Variants in LEKR1 observed in about 807,000 individuals in gnomAD.
The protein encoded by LEKR1 is leucine, glutamate and lysine rich 1.
In LEKR1, 59 loss-of-function variants were observed where a neutral mutation model predicts 72.4. The ratio of observed to expected loss-of-function variants is 0.82; its 90% CI spans 0.66 to 1.01. The LOEUF (loss-of-function observed/expected upper bound fraction) is 1.01, where lower values mean the gene tolerates loss of function less well. LEKR1 is among the 50% of genes least tolerant of loss of function. The pLI is 0.00. For missense variants in LEKR1, 728 were observed against 759.2 expected, an observed-to-expected ratio of 0.96 and a Z score of 0.48; for synonymous variants, 257 against 263.2, an observed-to-expected ratio of 0.98 and a Z score of 0.23.
intron 12 of LEKR1, among the ~76,000 whole-genome samples, chr3:157,038,459 G>A (rs958627366): frequency 6.6e-6 from 1 of 152,196 alleles, no homozygotes; most frequent in Admixed American, 6.5e-5. Context: ...TGGAGATGTC[G>A]ATTTTGGACA....
At chr3:156,974,134 A>G (rs750385071) in intron 6 of LEKR1, among the ~76,000 whole-genome samples, 1 of 152,144 alleles carries the variant, frequency 6.6e-6, no homozygotes, top group Admixed American at 6.6e-5. Flanking sequence ...TTCTATCACT[A>G]TGGTACTGGA....
chr3:156,884,345 C>A (rs1042225267), intron 3 of LEKR1, among the ~76,000 whole-genome samples: 2 of 150,266 alleles, frequency 1.3e-5, no homozygotes, highest in African/African-American at 4.9e-5. Flanking sequence ...GTTTTTTTTT[C>A]CTTCTGTTGT....
intron 5 of LEKR1, among the ~76,000 whole-genome samples, chr3:156,938,760 A>C (rs564051967): frequency 1.5e-4 from 23 of 152,304 alleles, no homozygotes; most frequent in African/African-American, 5.3e-4. Flanking sequence ...ATTGTAATAA[A>C]ACTGTGAAGT....
At chr3:157,030,537 A>T (rs896293112) in intron 12 of LEKR1, among the ~76,000 whole-genome samples, 2 of 152,226 alleles carry the variant, frequency 1.3e-5, no homozygotes, top group African/African-American at 2.4e-5. Flanking sequence ...AAAAAAGCAT[A>T]GACTGAAAGC....
Position 157,045,801 on chromosome 3 carries a change from A to C in LEKR1, c.*51A>C. On this transcript the variant is annotated 3_prime_UTR_variant, in exon 13 of 13. Transcript: ENST00000356539. ...CTACAGCGTGCACGCTCTTTCAGAGAGTGCCAGGAATTCACTGTAACTGAG... is the reference window on the plus strand; with the variant it reads ...CTACAGCGTGCACGCTCTTTCAGAGCGTGCCAGGAATTCACTGTAACTGAG... 4 of 1,448,874 alleles carry C rather than the reference A, an allele frequency of 2.8e-6. No individual in the cohort carries two copies. The highest frequency in any genetic ancestry group is 1.2e-5 in the South Asian group (1 of 83,258). The allele number at this position is 1,448,874 out of a possible 1,614,324, so 89.8% of individuals were successfully genotyped here.
intron 3 of LEKR1, among the ~76,000 whole-genome samples, chr3:156,886,856 A>G (rs1232517527): frequency 6.6e-6 from 1 of 152,208 alleles, no homozygotes; most frequent in Non-Finnish European, 1.5e-5. Context: ...GAATTCATAT[A>G]GTAACGTGAA....
intron 11 of LEKR1, among the ~76,000 whole-genome samples, chr3:157,025,269 A>T (rs1168640426): frequency 6.6e-6 from 1 of 152,178 alleles, no homozygotes; most frequent in Non-Finnish European, 1.5e-5. Context: ...TATAATTAAA[A>T]TTTTCCCAAC....
intron 4 of LEKR1, chr3:156,924,654 C>A (rs914730688): frequency 4.6e-6 from 2 of 437,970 alleles, no homozygotes; most frequent in Admixed American, 8.1e-5. Context: ...AATCTAAATT[C>A]ATCCTGTTTC....
intron 2 of LEKR1, among the ~76,000 whole-genome samples, chr3:156,836,863 A>G (rs558884945): frequency 1.5e-4 from 23 of 152,206 alleles, no homozygotes; most frequent in Non-Finnish European, 3.2e-4. Context: ...CCAGCAATTG[A>G]GCCCAGACTG....
intron 3 of LEKR1, among the ~76,000 whole-genome samples, chr3:156,906,951 T>C (rs189767152): frequency 6.6e-6 from 1 of 152,298 alleles, no homozygotes; most frequent in African/African-American, 2.4e-5. Context: ...TATTAAGGAA[T>C]GTTTAATACA....
At chr3:156,922,973 A>C (rs1305234146) in intron 4 of LEKR1, among the ~76,000 whole-genome samples, 2 of 152,100 alleles carry the variant, frequency 1.3e-5, no homozygotes, top group African/African-American at 4.8e-5. Flanking sequence ...CATCTCTAAA[A>C]TTTTCAATGT....
At chr3:157,000,434 T>A (rs1731915208) in intron 9 of LEKR1, among the ~76,000 whole-genome samples, 1 of 152,150 alleles carries the variant, frequency 6.6e-6, no homozygotes, top group African/African-American at 2.4e-5. Flanking sequence ...AAGAATGGAC[T>A]TTAGAATTAG....
intron 10 of LEKR1, among the ~76,000 whole-genome samples, chr3:157,019,056 C>T (rs1054109781): frequency 2.0e-5 from 3 of 152,064 alleles, no homozygotes; most frequent in Admixed American, 1.3e-4. Context: ...TAATAATTTG[C>T]AATCAGTATT....
At position 156,881,054 on chromosome 3, in the gene LEKR1, G is replaced by A. The variant is rs537608064; in HGVS notation, c.263+28072G>A. On this transcript the variant is annotated intron_variant, in intron 3 of 12. Transcript: ENST00000356539. ...CCACAGCCAATATCATACTGAATGG[G>A]CAAAAACTGGAAGCATTCTCTTTGA... 4.6e-5 allele frequency among the ~76,000 whole-genome samples: 7 copies of A among 152,276 alleles called. No homozygotes were observed. The East Asian group carries it at 1.3e-3, about 29-fold the overall frequency.
intron 6 of LEKR1, among the ~76,000 whole-genome samples, chr3:156,943,167 T>C (rs1371687884): frequency 2.0e-5 from 3 of 151,946 alleles, no homozygotes; most frequent in Admixed American, 6.6e-5. Context: ...GTAAAGAGTT[T>C]GTAATTTTCC....
At chr3:156,899,481 CATACATAT>C (rs1344371010) in intron 3 of LEKR1, among the ~76,000 whole-genome samples, 1 of 18,876 alleles carries the variant, frequency 5.3e-5, no homozygotes, top group East Asian at 1.8e-3. Flanking sequence ...TATATACATA[CATACATAT>C]ATACACATAT....
chr3:156,988,545 C>T, intron 7 of LEKR1: 1 of 187,616 alleles, frequency 5.3e-6, no homozygotes, highest in Non-Finnish European at 1.2e-5. Flanking sequence ...TATGCAGCAG[C>T]AGCATTGTTT....
Position 156,915,600 on chromosome 3 carries a change from G to A in LEKR1, c.264-4975G>A, listed in dbSNP as rs115226452. ...TCATGTCTTTTGCCCACTTTTTAAC[G>A]GGGTTGTTTGTTTGTTTTTTTTCTT... On this transcript the variant is annotated intron_variant, in intron 3 of 12. Coordinates refer to ENST00000356539, the MANE Select transcript of LEKR1 (RefSeq NM_001004316.3). Among the ~76,000 whole-genome samples, 773 of 151,702 alleles carry A rather than the reference G, an allele frequency of 5.1e-3. 8 individuals are homozygous for A. Among genetic ancestry groups the A allele is most frequent in the African/African-American group, 0.018 (743 of 41,336 alleles).
In LEKR1 at chr3:156,850,189, G is replaced by A. The variant is rs553134900; in HGVS notation, c.49-2579G>A. Among the ~76,000 whole-genome samples the A allele has an allele frequency of 2.7e-3, 417 of 151,972 alleles. 2 individuals are homozygous for A. Among genetic ancestry groups the A allele is most frequent in the Non-Finnish European group, 2.4e-3 (162 of 67,970 alleles). On this transcript the variant is annotated intron_variant, in intron 2 of 12. Coordinates refer to ENST00000356539, the MANE Select transcript of LEKR1 (RefSeq NM_001004316.3). ...CATCATCACTGGCCATCAGAGAAAT[G>A]CAAATATCTATGTTATATACTCAAA...
Sources: allele counts gnomAD v4.1 joint callset (sites outside exome capture counted in the v4.1 genomes callset), GRCh38; gene constraint gnomAD v4.1.1; transcripts MANE v1.5; gene names NCBI Gene and HGNC (gene_info 2026-07-23, HGNC 2026-07-21).